Variants in ACIN1 observed in about 807,000 individuals in gnomAD.
ACIN1 encodes apoptotic chromatin condensation inducer in the nucleus.
Under a neutral mutation model 146.6 loss-of-function variants are expected in ACIN1, and 16 were observed. The observed-to-expected ratio is 0.11, with a 90% CI of 0.07 to 0.17. ACIN1 has a LOEUF of 0.17. Among genes scored for constraint, ACIN1 ranks in the 10% least tolerant of loss-of-function variants. The pLI is 1.00. For missense variants in ACIN1, 1,357 were observed against 1,609.3 expected, an observed-to-expected ratio of 0.84 and a Z score of 2.68; for synonymous variants, 569 against 582.7, an observed-to-expected ratio of 0.98 and a Z score of 0.34.
Position 23,059,013 on chromosome 14 carries a change from C to A in ACIN1, c.*135G>T. ...GGGGGGAAAAGGATGGCCACTTTTC[C>A]ATTTGGTATGTATGTAGGGATAGGT... On this transcript the variant is annotated 3_prime_UTR_variant, in exon 19 of 19. Transcript: ENST00000605057. The A allele has an allele frequency of 1.2e-6, 1 of 810,136 alleles. No individual in the cohort carries two copies. The highest frequency in any genetic ancestry group is 2.0e-6 in the Non-Finnish European group (1 of 511,424). The allele number at this position is 810,136 out of a possible 1,614,324, so 50.2% of individuals were successfully genotyped here. A position where few individuals can be genotyped will look rare whatever the true frequency, so the allele number is the denominator to read the frequency against.
chr14:23,084,550 T>C (rs534054678), intron 4 of ACIN1, among the ~76,000 whole-genome samples: 2 of 149,526 alleles, frequency 1.3e-5, no homozygotes, highest in African/African-American at 5.0e-5. Flanking sequence ...GCAGAGGTTG[T>C]AGTGAGCCGA....
chr14:23,059,619 T>G, intron 18 of ACIN1, 145 bp from the exon 19 acceptor site: 2 of 656,000 alleles, frequency 3.0e-6, no homozygotes, highest in East Asian at 2.5e-5. Context: ...CATCCTGTCT[T>G]TCTTAGAGCA....
chr14:23,059,568 CT>C, intron 18 of ACIN1, 94 bp from the exon 19 acceptor site: 1 of 962,566 alleles, frequency 1.0e-6, no homozygotes, highest in Non-Finnish European at 1.6e-6. Context: ...TCAGGGTCAG[CT>C]TTTCAGTTAA....
intron 2 of ACIN1, among the ~76,000 whole-genome samples, chr14:23,092,802 G>A (rs576221362): frequency 5.3e-5 from 8 of 152,248 alleles, no homozygotes; most frequent in African/African-American, 1.7e-4. Flanking sequence ...TTTAAGAGAG[G>A]AGTATGAGCC....
rs2047517413 is a variant in ACIN1, at chr14:23,068,196, G to A, written c.2265+1280C>T. 1.0e-6 allele frequency: 1 copy of A among 985,816 alleles called. No homozygotes were observed. The allele number at this position is 985,816 out of a possible 1,614,324, so 61.1% of individuals were successfully genotyped here. On this transcript the variant is annotated intron_variant, in intron 9 of 18. Coordinates refer to ENST00000605057, the MANE Select transcript of ACIN1 (RefSeq NM_001386863.1). The surrounding 1 kb of genome is among the most constrained non-coding windows in gnomAD (Gnocchi z 4.3). Reference sequence around the variant, plus strand: ...GTTCCTAGTCGTCACAGCTTAAGTAGAGGGTCCCACTCAGTGTTTTACAGC... The same window carrying A: ...GTTCCTAGTCGTCACAGCTTAAGTAAAGGGTCCCACTCAGTGTTTTACAGC...
chr14:23,075,749 G>A (rs900670346), intron 8 of ACIN1, among the ~76,000 whole-genome samples: 1 of 150,836 alleles, frequency 6.6e-6, no homozygotes, highest in Non-Finnish European at 1.5e-5. Flanking sequence ...TTGTTGCCCA[G>A]GCTGGAGTGC....
chr14:23,063,652 C>A, intron 12 of ACIN1, 75 bp from the exon 13 acceptor site: 1 of 1,561,130 alleles, frequency 6.4e-7, no homozygotes, highest in South Asian at 1.1e-5. Context: ...TCTGGTTCCC[C>A]GGTAAGAGTA....
chr14:23,088,813 C>G (rs915705565), intron 4 of ACIN1, among the ~76,000 whole-genome samples: 2 of 152,070 alleles, frequency 1.3e-5, no homozygotes, highest in African/African-American at 4.8e-5. Context: ...ATTATACTTT[C>G]TGATTCAGCA....
In ACIN1 at chr14:23,079,554, C is replaced by T. The variant is rs374750645; in HGVS notation, c.1781G>A (p.Ser594Asn). The T allele has an allele frequency of 6.2e-7, 1 of 1,608,454 alleles. No individual in the cohort carries two copies. The highest frequency in any genetic ancestry group is 8.5e-7 in the Non-Finnish European group (1 of 1,178,864). ...GGATTCTCTCATACTCACTTTTCTGCTGTTGCTTGATGCTGAACGAGAACG... is the reference window on the plus strand; with the variant it reads ...GGATTCTCTCATACTCACTTTTCTGTTGTTGCTTGATGCTGAACGAGAACG... ...RSRSRSASSN[S>N]RKSLSPGVSR... The change falls in exon 6 of 19, where the codon AGC becomes AAC. Residue 594 changes from serine (S) to asparagine (N), a missense_variant. Ser to Asn is a conservative substitution (Grantham distance 46, BLOSUM62 1). Coordinates refer to ENST00000605057, the MANE Select transcript of ACIN1 (RefSeq NM_001386863.1).
chr14:23,072,491 A>C (rs2047688498), intron 8 of ACIN1, among the ~76,000 whole-genome samples: 1 of 152,214 alleles, frequency 6.6e-6, no homozygotes, highest in African/African-American at 2.4e-5. Context: ...CTGGGAACTA[A>C]GCAGAAAATA....
Position 23,068,176 on chromosome 14 carries a change from T to C in ACIN1, c.2265+1300A>G. 1.0e-6 allele frequency: 1 copy of C among 985,924 alleles called. No homozygotes were observed. The highest frequency in any genetic ancestry group is 1.2e-6 in the Non-Finnish European group (1 of 829,960). 61.1% of individuals were successfully genotyped at this position (985,924 alleles called of 1,614,324 possible). A position where few individuals can be genotyped will look rare whatever the true frequency, so the allele number is the denominator to read the frequency against. On this transcript the variant is annotated intron_variant, in intron 9 of 18. Coordinates refer to ENST00000605057, the MANE Select transcript of ACIN1 (RefSeq NM_001386863.1). The surrounding 1 kb of genome is among the most constrained non-coding windows in gnomAD (Gnocchi z 4.3). ...ACCCTAGACTCCTCTGCACGGTTCC[T>C]AGTCGTCACAGCTTAAGTAGAGGGT...
intron 9 of ACIN1, 113 bp downstream of exon 9, chr14:23,069,363 C>T: frequency 6.7e-7 from 1 of 1,483,044 alleles, no homozygotes. Context: ...AAGTCCCTGC[C>T]TCATCCCTCC....
chr14:23,095,205 C>T (rs779332236), upstream of ACIN1: 1 of 1,614,248 alleles, frequency 6.2e-7, no homozygotes, highest in East Asian at 2.2e-5. Context: ...TGACCCCGCC[C>T]ACTGCCATAC....
chr14:23,069,332 C>A, intron 9 of ACIN1, 144 bp downstream of exon 9: 1 of 1,390,956 alleles, frequency 7.2e-7, no homozygotes, highest in Non-Finnish European at 9.3e-7. Flanking sequence ...AGCGAATTCT[C>A]CCTTGGCCCT....
intron 8 of ACIN1, chr14:23,071,368 G>A: frequency 6.5e-7 from 1 of 1,537,084 alleles, no homozygotes; most frequent in Non-Finnish European, 8.8e-7. Context: ...GGGAGGTGGT[G>A]GTGGTGCGGG....
At chr14:23,089,746 CA>C (rs1057291481) in intron 4 of ACIN1, among the ~76,000 whole-genome samples, 76 of 152,126 alleles carry the variant, frequency 5.0e-4, no homozygotes, top group African/African-American at 1.8e-3. Context: ...TGAAGAGGTA[CA>C]GATGAGAAGA....
chr14:23,080,690 T>C lies in ACIN1; in HGVS notation c.645A>G (p.Glu215=), dbSNP rs762889342. ...CTTCTTCCTCCTCCTCCTCCTCCTC[T>C]TCTTCCTCCTCTGTTTTCAAATTTC... The part of the protein sequence containing the change: ...ADRNLKTEEE[E]EEEEEEEEDD... Residue 215 remains glutamate, a synonymous_variant, in exon 6 of 19, where the codon GAA becomes GAG. Transcript: ENST00000605057. 1.9e-5 allele frequency: 31 copies of C among 1,613,738 alleles called. No individual in the cohort carries two copies. The highest frequency in any genetic ancestry group is 5.3e-5 in the African/African-American group (4 of 74,900).
intron 12 of ACIN1, 75 bp downstream of exon 12, chr14:23,064,030 T>C: frequency 2.5e-6 from 4 of 1,581,136 alleles, no homozygotes; most frequent in Non-Finnish European, 2.6e-6. Flanking sequence ...AAAGACTTTA[T>C]CTCAGCTCCT....
intron 10 of ACIN1, chr14:23,064,810 C>T (rs2047398952): frequency 9.6e-6 from 2 of 208,418 alleles, no homozygotes; most frequent in South Asian, 1.8e-4. Context: ...AGCAGAATTG[C>T]TTGAACCCGG....
Sources: allele counts gnomAD v4.1 joint callset (sites outside exome capture counted in the v4.1 genomes callset), GRCh38; gene constraint gnomAD v4.1.1; non-coding constraint Gnocchi (gnomAD v3.1); transcripts MANE v1.5; gene names NCBI Gene and HGNC (gene_info 2026-07-23, HGNC 2026-07-21).